MEP1A: variants seen among roughly 807,000 people sequenced by gnomAD.
The protein encoded by MEP1A is meprin A subunit alpha, also known as N-benzoyl-L-tyrosyl-P-amino-benzoic acid hydrolase subunit alpha.
Under a neutral mutation model 84.5 loss-of-function variants are expected in MEP1A, and 68 were observed. That is an observed-to-expected ratio of 0.80 (90% CI 0.66 to 0.98). The LOEUF (loss-of-function observed/expected upper bound fraction) is 0.98. Among genes scored for constraint, MEP1A ranks in the 50% least tolerant of loss-of-function variants. MEP1A has a pLI of 0.00. For synonymous variants in MEP1A, 337 were observed against 336.8 expected, an observed-to-expected ratio of 1.00 and a Z score of -0.01; for missense variants, 887 against 919.9, an observed-to-expected ratio of 0.96 and a Z score of 0.46.
chr6:46,814,704 G>C (rs551512755), intron 6 of MEP1A, among the ~76,000 whole-genome samples: 75 of 152,266 alleles, frequency 4.9e-4, no homozygotes, highest in African/African-American at 1.8e-3. Context: ...TGGAATTCAA[G>C]GGCTGTTTTT....
chr6:46,838,351 T>C (rs531960165), intron 13 of MEP1A, among the ~76,000 whole-genome samples: 19 of 152,330 alleles, frequency 1.2e-4, no homozygotes, highest in Admixed American at 1.0e-3. Context: ...TTGATCTTTA[T>C]ACCAGATAAC....
At chr6:46,845,702 T>G in the MEP1A span, among the ~76,000 whole-genome samples, 3 of 152,124 alleles carry the variant, frequency 2.0e-5, no homozygotes, top group African/African-American at 7.2e-5. Context: ...TGGAATGAAA[T>G]AAATACACTA....
Position 46,839,218 on chromosome 6 carries a change from T to TGGGG in MEP1A, c.*82_*83insGGGG. On this transcript the variant is annotated 3_prime_UTR_variant, in exon 14 of 14. Transcript: ENST00000230588. ...TTTCCCATGGTCAATGCAGTTTTTA[T>TGGGG]CAGCCTTGCTTTGGATAGGACCTCC... 847 of 394,770 alleles carry TGGGG rather than the reference T, an allele frequency of 2.1e-3. No homozygotes were observed. Among genetic ancestry groups the TGGGG allele is most frequent in the Non-Finnish European group, 2.9e-3 (753 of 258,494 alleles). 24.5% of individuals were successfully genotyped at this position (394,770 alleles called of 1,614,324 possible).
intron 9 of MEP1A, 144 bp from the exon 10 acceptor site, chr6:46,829,212 G>A (rs1768017819): frequency 9.1e-6 from 6 of 659,758 alleles, no homozygotes; most frequent in Admixed American, 5.2e-5. Context: ...ACTGACAAAT[G>A]TCCTTCTTTT....
At chr6:46,794,799 C>T (rs1767014813) in intron 3 of MEP1A, among the ~76,000 whole-genome samples, 1 of 152,178 alleles carries the variant, frequency 6.6e-6, no homozygotes, top group Admixed American at 6.5e-5. Flanking sequence ...AGAGAATCTG[C>T]TGTATTTTAC....
At chr6:46,833,602 T>G in intron 11 of MEP1A, 64 bp downstream of exon 11, 1 of 1,200,102 alleles carries the variant, frequency 8.3e-7, no homozygotes, top group Non-Finnish European at 1.2e-6. Flanking sequence ...GATGTGATTC[T>G]GTGGTGCAAG....
intron 9 of MEP1A, among the ~76,000 whole-genome samples, chr6:46,826,723 G>A (rs1767956748): frequency 1.3e-5 from 2 of 152,326 alleles, no homozygotes; most frequent in East Asian, 1.9e-4. Context: ...ACTGATATTA[G>A]TATATGATTG....
rs368385740 is a variant in MEP1A, at chr6:46,835,526, C to T, written c.2061C>T (p.Asn687=). ...GCCAAAATGACGGCATCTGTGTGAA[C>T]GTGAAGGGGATGGCGAGCTGCAGGT... The part of the protein sequence containing the change: ...NPCQNDGICV[N]VKGMASCRCI... Residue 687 remains asparagine (N), a synonymous_variant, in exon 13 of 14, where the codon AAC becomes AAT. Coordinates refer to ENST00000230588, the MANE Select transcript of MEP1A (RefSeq NM_005588.3). The T allele has an allele frequency of 7.2e-5, 116 of 1,613,496 alleles. No individual in the cohort carries two copies. The highest frequency in any genetic ancestry group is 9.3e-5 in the Non-Finnish European group (110 of 1,179,802).
At chr6:46,814,142 C>A (rs1439698379) in intron 6 of MEP1A, among the ~76,000 whole-genome samples, 1 of 152,080 alleles carries the variant, frequency 6.6e-6, no homozygotes, top group Non-Finnish European at 1.5e-5. Flanking sequence ...CCCTCAAATA[C>A]GTTTTCCAAA....
intron 7 of MEP1A, among the ~76,000 whole-genome samples, chr6:46,820,835 GT>G (rs1767755135): frequency 6.6e-6 from 1 of 151,994 alleles, no homozygotes; most frequent in South Asian, 2.1e-4. Context: ...GAAGGAATTA[GT>G]GAAGAGAATG....
At chr6:46,794,347 A>G (rs1767002390) in intron 3 of MEP1A, among the ~76,000 whole-genome samples, 1 of 152,224 alleles carries the variant, frequency 6.6e-6, no homozygotes, top group African/African-American at 2.4e-5. Flanking sequence ...GCTATTCATG[A>G]TAATAAGTAC....
At chr6:46,830,115 G>T (rs189528670) in intron 10 of MEP1A, among the ~76,000 whole-genome samples, 1 of 151,630 alleles carries the variant, frequency 6.6e-6, no homozygotes, top group Non-Finnish European at 1.5e-5. Flanking sequence ...GGGCATGGTG[G>T]CGCGCGCGCA....
intron 3 of MEP1A, among the ~76,000 whole-genome samples, chr6:46,797,729 G>A (rs769377337): frequency 2.0e-5 from 3 of 151,586 alleles, no homozygotes; most frequent in Non-Finnish European, 4.4e-5. Flanking sequence ...CATGTCTCTG[G>A]ACTCTATTTC....
rs113876823 is a variant in MEP1A, at chr6:46,815,016, G to A, written c.381-4513G>A. Reference sequence around the variant, plus strand: ...TTGTTTAGTGTGCTGGTTTTGTGTTGGCAATCCTCCAGCCAGGAGGTGGCA... The same window carrying A: ...TTGTTTAGTGTGCTGGTTTTGTGTTAGCAATCCTCCAGCCAGGAGGTGGCA... On this transcript the variant is annotated intron_variant, in intron 6 of 13. Coordinates refer to ENST00000230588, the MANE Select transcript of MEP1A (RefSeq NM_005588.3). Among the ~76,000 whole-genome samples the A allele has an allele frequency of 1.8e-4, 28 of 152,272 alleles. No individual in the cohort carries two copies. The South Asian group carries it at 3.9e-3, about 21-fold the overall frequency.
At position 46,799,607 on chromosome 6, in the gene MEP1A, TA is replaced by T. The variant is rs372131342; in HGVS notation, c.262+427del. Among the ~76,000 whole-genome samples the T allele has an allele frequency of 2.9e-3, 448 of 152,334 alleles. 6 individuals are homozygous for T. The highest frequency in any genetic ancestry group is 0.01 in the African/African-American group (427 of 41,580). On this transcript the variant is annotated intron_variant, in intron 5 of 13. Transcript: ENST00000230588. The stretch of plus-strand genomic sequence containing the variant: ...ACACTTTGAGAAATAGGAAAGTCCA[TA>T]TTTCACATGTTCACAATCCTTTTTT...
intron 7 of MEP1A, among the ~76,000 whole-genome samples, chr6:46,821,559 G>T (rs531172791): frequency 6.6e-6 from 1 of 152,178 alleles, no homozygotes; most frequent in Non-Finnish European, 1.5e-5. Context: ...ATTAGACTTT[G>T]TCTATATTTG....
intron 3 of MEP1A, among the ~76,000 whole-genome samples, chr6:46,794,896 G>T (rs914889126): frequency 6.6e-6 from 1 of 152,042 alleles, no homozygotes; most frequent in African/African-American, 2.4e-5. Context: ...TTGCCATTTT[G>T]TACTCTTTAG....
Position 46,833,265 on chromosome 6 carries a change from G to A in MEP1A, c.1336G>A (p.Glu446Lys), listed in dbSNP as rs764569906. The A allele has an allele frequency of 6.2e-7, 1 of 1,614,058 alleles. No homozygotes were observed. Among genetic ancestry groups the A allele is most frequent in the Non-Finnish European group, 8.5e-7 (1 of 1,180,042 alleles). ...AGTCCGGAATTTCTCCCAAGTCCTT[G>A]AGAACACCAGCAAAGGGGACAAGCT... ...WTVRNFSQVL[E>K]NTSKGDKLQS... The change falls in exon 11 of 14, where the codon GAG becomes AAG. Residue 446 changes from glutamate to lysine, a missense_variant. Physicochemically the swap from Glu to Lys is moderately conservative, Grantham distance 56. Coordinates refer to ENST00000230588, the MANE Select transcript of MEP1A (RefSeq NM_005588.3).
intron 6 of MEP1A, among the ~76,000 whole-genome samples, chr6:46,816,380 G>A (rs547244846): frequency 6.6e-6 from 1 of 152,268 alleles, no homozygotes; most frequent in South Asian, 2.1e-4. Context: ...ACCAGGTGGG[G>A]GTGGTGGAGA....
Sources: allele counts gnomAD v4.1 joint callset (sites outside exome capture counted in the v4.1 genomes callset), GRCh38; gene constraint gnomAD v4.1.1; transcripts MANE v1.5; gene names NCBI Gene and HGNC (gene_info 2026-07-23, HGNC 2026-07-21).